The following PRKN variants were observed in gnomAD, a reference collection of about 807,000 sequenced individuals.
The protein encoded by PRKN is E3 ubiquitin-protein ligase parkin.
In PRKN, 56 loss-of-function variants were observed where a neutral mutation model predicts 59.5. That is an observed-to-expected ratio of 0.94 (90% CI 0.76 to 1.18). The LOEUF (loss-of-function observed/expected upper bound fraction) is 1.18. Ranked by LOEUF, PRKN falls within the 50% of genes most tolerant of loss-of-function variation. The pLI, the probability that PRKN is intolerant of heterozygous loss-of-function variation, is 0.00. For missense variants in PRKN, 657 were observed against 596.4 expected, an observed-to-expected ratio of 1.10 and a Z score of -1.06; for synonymous variants, 250 against 222.1, an observed-to-expected ratio of 1.13 and a Z score of -1.12.
intron 4 of PRKN, among the ~76,000 whole-genome samples, chr6:162,060,122 T>C (rs1778035366): frequency 6.6e-6 from 1 of 152,196 alleles, no homozygotes; most frequent in Admixed American, 6.5e-5. Context: ...GCAAATTAAA[T>C]TTTCCAAACT....
At chr6:161,907,365 T>C (rs1315785215) in intron 6 of PRKN, among the ~76,000 whole-genome samples, 1 of 152,228 alleles carries the variant, frequency 6.6e-6, no homozygotes, top group African/African-American at 2.4e-5. Context: ...AAACTAGTTA[T>C]TGTTGAGGCA....
At chr6:162,287,410 A>G (rs1333588768) in intron 2 of PRKN, among the ~76,000 whole-genome samples, 1 of 152,116 alleles carries the variant, frequency 6.6e-6, no homozygotes, top group African/African-American at 2.4e-5. Context: ...CTACAAAAAA[A>G]TATAAAAATC....
intron 5 of PRKN, among the ~76,000 whole-genome samples, chr6:161,996,996 T>C (rs558778600): frequency 1.4e-4 from 22 of 152,254 alleles, no homozygotes; most frequent in Non-Finnish European, 2.5e-4. Context: ...CCCATAAATC[T>C]TGCAAACCTA....
At chr6:162,221,692 T>C (rs9346906) in intron 3 of PRKN, among the ~76,000 whole-genome samples, 25,150 of 152,118 alleles carry the variant, frequency 0.17, 2,862 homozygotes, top group East Asian at 0.58. Flanking sequence ...GAAAAATGTA[T>C]GAAGCTTACA....
At chr6:162,223,350 T>A (rs909517587) in intron 3 of PRKN, among the ~76,000 whole-genome samples, 1 of 152,028 alleles carries the variant, frequency 6.6e-6, no homozygotes, top group African/African-American at 2.4e-5. Context: ...TGATTGACAC[T>A]CTTGGCATGT....
At chr6:162,719,967 T>C (rs945944046) in intron 1 of PRKN, among the ~76,000 whole-genome samples, 6 of 152,106 alleles carry the variant, frequency 3.9e-5, no homozygotes, top group African/African-American at 1.4e-4. Flanking sequence ...TTCCTTCCTA[T>C]TTCTCCATTT....
chr6:162,705,844 A>G (rs1270445749), intron 1 of PRKN, among the ~76,000 whole-genome samples: 2 of 152,104 alleles, frequency 1.3e-5, no homozygotes, highest in Admixed American at 1.3e-4. Context: ...GAGCTAAATT[A>G]AGGTACTTAG....
chr6:162,228,281 ATTGACTTC>A (rs1386869823), intron 3 of PRKN, among the ~76,000 whole-genome samples: 1 of 152,186 alleles, frequency 6.6e-6, no homozygotes, highest in Non-Finnish European at 1.5e-5. Context: ...GGGCTGTGGA[ATTGACTTC>A]TTAGAGTATA....
chr6:161,896,578 A>G (rs1408822736), intron 6 of PRKN, among the ~76,000 whole-genome samples: 1 of 152,154 alleles, frequency 6.6e-6, no homozygotes, highest in Non-Finnish European at 1.5e-5. Flanking sequence ...AACCCACACA[A>G]TGATAAGGCA....
At chr6:161,979,774 C>A (rs1228548924) in intron 5 of PRKN, among the ~76,000 whole-genome samples, 5 of 152,128 alleles carry the variant, frequency 3.3e-5, no homozygotes, top group Non-Finnish European at 5.9e-5. Flanking sequence ...CAGACCCATA[C>A]AAATCAAAGG....
chr6:161,916,142 G>A (rs1210374819), intron 6 of PRKN, among the ~76,000 whole-genome samples: 2 of 152,194 alleles, frequency 1.3e-5, no homozygotes, highest in African/African-American at 4.8e-5. Flanking sequence ...CTAATATTTG[G>A]TTATAAAGGA....
At chr6:161,539,113 A>G (rs940327315) in intron 9 of PRKN, among the ~76,000 whole-genome samples, 3 of 152,224 alleles carry the variant, frequency 2.0e-5, no homozygotes, top group African/African-American at 7.2e-5. Context: ...CCCTGTAGGA[A>G]GTTGATTGCT....
intron 5 of PRKN, among the ~76,000 whole-genome samples, chr6:162,009,872 G>GGACA (rs1782416444): frequency 2.0e-5 from 3 of 151,700 alleles, no homozygotes; most frequent in Admixed American, 6.6e-5. Context: ...AGAGGTGGAG[G>GGACA]TTGCAGTGAG....
chr6:162,336,425 C>A (rs1271039304), intron 2 of PRKN, among the ~76,000 whole-genome samples: 1 of 152,160 alleles, frequency 6.6e-6, no homozygotes, highest in Non-Finnish European at 1.5e-5. Flanking sequence ...AATTTTAAAA[C>A]TTAAAGCCAC....
chr6:162,644,390 TTCTG>T (rs1583970530), intron 1 of PRKN, among the ~76,000 whole-genome samples: 1 of 152,124 alleles, frequency 6.6e-6, no homozygotes, highest in East Asian at 1.9e-4. Context: ...TAAAAATGGA[TTCTG>T]TCTTATACTC....
At chr6:162,388,008 C>T (rs1786944760) in intron 2 of PRKN, among the ~76,000 whole-genome samples, 1 of 152,188 alleles carries the variant, frequency 6.6e-6, no homozygotes, top group Non-Finnish European at 1.5e-5. Flanking sequence ...GTGGGGAAGG[C>T]AGAGCCAACA....
intron 7 of PRKN, among the ~76,000 whole-genome samples, chr6:161,611,476 A>G (rs1035309843): frequency 4.6e-5 from 7 of 152,138 alleles, no homozygotes; most frequent in African/African-American, 1.7e-4. Flanking sequence ...CACTATTTCA[A>G]ACTTTTTTGT....
At chr6:162,127,267 TCC>T (rs1231663292) in intron 4 of PRKN, among the ~76,000 whole-genome samples, 2 of 152,196 alleles carry the variant, frequency 1.3e-5, no homozygotes, top group Non-Finnish European at 2.9e-5. Flanking sequence ...ATGACTTTTC[TCC>T]CAGACACAAC....
At chr6:161,939,291 G>C (rs951444008) in intron 6 of PRKN, among the ~76,000 whole-genome samples, 1 of 151,662 alleles carries the variant, frequency 6.6e-6, no homozygotes, top group Non-Finnish European at 1.5e-5. Context: ...GGTGGTGCAT[G>C]CCCATAATCT....
Sources: gnomAD v4.1 joint callset for allele counts (sites outside exome capture counted in the v4.1 genomes callset) on GRCh38, gnomAD v4.1.1 for gene constraint, MANE v1.5 for transcripts, NCBI Gene and HGNC (gene_info 2026-07-23, HGNC 2026-07-21) for gene names.